RYR3: variants seen among roughly 807,000 people sequenced by gnomAD.
RYR3 encodes ryanodine receptor 3.
Under a neutral mutation model 584.3 loss-of-function variants are expected in RYR3, and 207 were observed. That is an observed-to-expected ratio of 0.35 (90% CI 0.32 to 0.40). The LOEUF (loss-of-function observed/expected upper bound fraction) is 0.40. RYR3 is among the 10% of genes least tolerant of loss of function. The pLI is 1.00. For missense variants in RYR3, 5,616 were observed against 6,089.2 expected (o/e 0.92, Z 2.59); for synonymous variants, 2,416 against 2,248.5 (o/e 1.07, Z -2.11).
intron 1 of RYR3, among the ~76,000 whole-genome samples, chr15:33,349,666 C>A (rs138909555): frequency 0.075 from 11,119 of 147,854 alleles, 503 homozygotes; most frequent in Middle Eastern, 0.11. Context: ...CATATGTATA[C>A]ATGTGCCATG....
chr15:33,324,148 C>G (rs1969378569), intron 1 of RYR3, among the ~76,000 whole-genome samples: 1 of 112,230 alleles, frequency 8.9e-6, no homozygotes, highest in African/African-American at 5.9e-5. Context: ...AGGCATTTGC[C>G]TTGGATATTG....
chr15:33,486,767 C>G lies in RYR3; in HGVS notation c.171+13229C>G, dbSNP rs187206249. Reference sequence around the variant, plus strand: ...GAGCAGCAGAAGTGCATAGGCCCCACCTTGTGAGCCTGAGTTATTTGGTGA... The same window carrying G: ...GAGCAGCAGAAGTGCATAGGCCCCAGCTTGTGAGCCTGAGTTATTTGGTGA... On this transcript the variant is annotated intron_variant, in intron 2 of 103. Coordinates refer to ENST00000634891, the MANE Select transcript of RYR3 (RefSeq NM_001036.6). Among the ~76,000 whole-genome samples the G allele has an allele frequency of 3.3e-5, 5 of 152,246 alleles. No homozygotes were observed. In the East Asian group the frequency reaches 9.7e-4, roughly 29 times the overall value.
At chr15:33,510,497 G>GTATT (rs10634033) in intron 3 of RYR3, among the ~76,000 whole-genome samples, 26,183 of 151,962 alleles carry the variant, frequency 0.17, 2,394 homozygotes, top group Middle Eastern at 0.3. Flanking sequence ...ATGAATAAAT[G>GTATT]TATTCTCTTT....
At chr15:33,636,753 CA>C (rs1189750169) in intron 27 of RYR3, among the ~76,000 whole-genome samples, 1 of 152,190 alleles carries the variant, frequency 6.6e-6, no homozygotes, top group Non-Finnish European at 1.5e-5. Flanking sequence ...GTGCAGCATA[CA>C]TACACATTCT....
At chr15:33,319,621 A>G (rs1968677024) in intron 1 of RYR3, among the ~76,000 whole-genome samples, 1 of 152,236 alleles carries the variant, frequency 6.6e-6, no homozygotes, top group Non-Finnish European at 1.5e-5. Context: ...AGCGTTTGCT[A>G]TATTTGGCAG....
At chr15:33,829,179 A>G (rs75542705) in intron 85 of RYR3, among the ~76,000 whole-genome samples, 149 of 151,604 alleles carry the variant, frequency 9.8e-4, no homozygotes, top group African/African-American at 3.5e-3. Flanking sequence ...AAAAAAAAAA[A>G]GATTCCTTTC....
At chr15:33,690,842 T>G (rs929685018) in intron 38 of RYR3, among the ~76,000 whole-genome samples, 2 of 152,124 alleles carry the variant, frequency 1.3e-5, no homozygotes, top group African/African-American at 4.8e-5. Flanking sequence ...TGACAAATAT[T>G]TAAATATTTA....
chr15:33,434,711 C>T (rs2045504932), intron 1 of RYR3, among the ~76,000 whole-genome samples: 1 of 152,172 alleles, frequency 6.6e-6, no homozygotes, highest in Non-Finnish European at 1.5e-5. Context: ...ATTTCTCTCT[C>T]CTCTTCAGAG....
intron 1 of RYR3, among the ~76,000 whole-genome samples, chr15:33,447,611 G>A (rs971070607): frequency 1.8e-4 from 27 of 152,148 alleles, no homozygotes; most frequent in African/African-American, 6.5e-4. Flanking sequence ...TGAAAGGACT[G>A]TCACAGATAA....
intron 1 of RYR3, among the ~76,000 whole-genome samples, chr15:33,381,800 G>C (rs749707413): frequency 3.9e-5 from 6 of 152,178 alleles, no homozygotes; most frequent in Non-Finnish European, 7.3e-5. Context: ...CAGGTGCTCT[G>C]TTCATTAGTA....
intron 64 of RYR3, among the ~76,000 whole-genome samples, chr15:33,778,650 C>T (rs56132873): frequency 0.21 from 32,236 of 152,240 alleles, 4,046 homozygotes; most frequent in Non-Finnish European, 0.28. Flanking sequence ...GTGAAAGCTT[C>T]GCCAATATCA....
In RYR3 at chr15:33,652,738, A is replaced by G; in HGVS notation, c.4163A>G (p.Tyr1388Cys). Residue 1388 changes from tyrosine (Y) to cysteine (C), a missense_variant, in exon 32 of 104, where the codon TAC becomes TGC. Tyr to Cys is a radical substitution (Grantham distance 194, BLOSUM62 -2). Transcript: ENST00000634891. Reference sequence around the variant, plus strand: ...CCTAGTGTGAAACGCAGCAACTGCTACATGGTCTGGGGTGGAGACATTGTA... The same window carrying G: ...CCTAGTGTGAAACGCAGCAACTGCTGCATGGTCTGGGGTGGAGACATTGTA... ...VHESVKRSNC[Y>C]MVWGGDIVAS... 6.2e-7 allele frequency: 1 copy of G among 1,613,618 alleles called. No individual in the cohort carries two copies. Among genetic ancestry groups the G allele is most frequent in the Non-Finnish European group, 8.5e-7 (1 of 1,179,716 alleles).
intron 14 of RYR3, among the ~76,000 whole-genome samples, chr15:33,584,188 C>T (rs760838124): frequency 6.6e-5 from 10 of 152,048 alleles, no homozygotes; most frequent in Admixed American, 3.3e-4. Flanking sequence ...CAATGAGCCA[C>T]TACACTCCAG....
At chr15:33,862,599 T>TAAGTC (rs1021169939) in intron 102 of RYR3, among the ~76,000 whole-genome samples, 2 of 152,134 alleles carry the variant, frequency 1.3e-5, no homozygotes, top group Non-Finnish European at 1.5e-5. Flanking sequence ...GGGATGAGTT[T>TAAGTC]AAGTCAAAAA....
At chr15:33,704,281 C>CAAA (rs5811787) in intron 42 of RYR3, among the ~76,000 whole-genome samples, 2 of 113,838 alleles carry the variant, frequency 1.8e-5, no homozygotes, top group Non-Finnish European at 1.9e-5. Flanking sequence ...GACTCCGTCT[C>CAAA]AAAAAAAAAA....
At chr15:33,488,472 T>C (rs1377653338) in intron 2 of RYR3, among the ~76,000 whole-genome samples, 1 of 150,930 alleles carries the variant, frequency 6.6e-6, no homozygotes, top group Non-Finnish European at 1.5e-5. Flanking sequence ...TTTTCTGTGA[T>C]TAGAACATCT....
chr15:33,506,693 A>T (rs2052514657), intron 3 of RYR3, among the ~76,000 whole-genome samples: 1 of 152,204 alleles, frequency 6.6e-6, no homozygotes. Flanking sequence ...CAGCAGCTTC[A>T]GGTACTAGAA....
At chr15:33,632,411 C>G (rs2061315555) in intron 23 of RYR3, among the ~76,000 whole-genome samples, 1 of 152,270 alleles carries the variant, frequency 6.6e-6, no homozygotes. Flanking sequence ...GGCTGTAACT[C>G]TTGGACTGGA....
intron 43 of RYR3, among the ~76,000 whole-genome samples, chr15:33,718,004 C>T (rs560916787): frequency 6.6e-6 from 1 of 152,284 alleles, no homozygotes; most frequent in Non-Finnish European, 1.5e-5. Flanking sequence ...TTTGGAATCA[C>T]TTAGTTCATA....
Sources: gnomAD v4.1 joint callset for allele counts (sites outside exome capture counted in the v4.1 genomes callset) on GRCh38, gnomAD v4.1.1 for gene constraint, MANE v1.5 for transcripts, NCBI Gene and HGNC (gene_info 2026-07-23, HGNC 2026-07-21) for gene names.